Variants in SPN observed in about 807,000 individuals in gnomAD.
SPN encodes sialophorin.
A neutral mutation model predicts 8.4 loss-of-function variants in SPN; 6 were observed. The observed-to-expected ratio is 0.72, with a 90% CI of 0.39 to 1.42. SPN has a LOEUF of 1.42. Ranked by LOEUF, SPN falls within the 40% of genes most tolerant of loss-of-function variation. SPN has a pLI of 0.02. For missense variants in SPN, 517 were observed against 530.6 expected, an observed-to-expected ratio of 0.97 and a Z score of 0.25; for synonymous variants, 201 against 222.6, an observed-to-expected ratio of 0.90 and a Z score of 0.86.
At position 29,666,524 on chromosome 16, in the gene SPN, T is replaced by TCACACACA. The variant is rs61534947; in HGVS notation, c.*1615_*1622dup. 4.8e-3 allele frequency: 660 copies of TCACACACA among 137,554 alleles called. 3 individuals are homozygous for TCACACACA. Among genetic ancestry groups the TCACACACA allele is most frequent in the Admixed American group, 0.01 (133 of 12,846 alleles). 8.5% of individuals were successfully genotyped at this position (137,554 alleles called of 1,614,324 possible). ...TGCGCTCTCTCTCTCTCTCTCTCTC[T>TCACACACA]CACACACACACACACACACACACAC... On this transcript the variant is annotated 3_prime_UTR_variant, in exon 2 of 2. Transcript: ENST00000652691.
rs942935501 is a variant in SPN, at chr16:29,667,073, C to G, written c.*2142C>G. ...TGGGAGAGGAGACGGAGGGAGGGAG[C>G]GGGAAGGGGCTTGCTTAGTGGGTGG... On this transcript the variant is annotated 3_prime_UTR_variant, in exon 2 of 2. Transcript: ENST00000652691. The G allele has an allele frequency of 2.1e-6, 1 of 465,744 alleles. No individual in the cohort carries two copies. The highest frequency in any genetic ancestry group is 2.0e-5 in the African/African-American group (1 of 49,844). 28.9% of individuals were successfully genotyped at this position (465,744 alleles called of 1,614,324 possible).
chr16:29,663,305 T>C lies in SPN; in HGVS notation c.-46T>C, dbSNP rs896237220. 1.2e-5 allele frequency: 2 copies of C among 160,592 alleles called. No individual in the cohort carries two copies. The highest frequency in any genetic ancestry group is 4.8e-5 in the African/African-American group (2 of 41,630). The allele number at this position is 160,592 out of a possible 1,614,324, so 9.9% of individuals were successfully genotyped here. A position where few individuals can be genotyped will look rare whatever the true frequency, so the allele number is the denominator to read the frequency against. On this transcript the variant is annotated 5_prime_UTR_variant, in exon 1 of 2. Transcript: ENST00000652691. This position sits in a 1 kb window ranked among gnomAD's most constrained non-coding sequence, Gnocchi z 4.3. Reference sequence around the variant, plus strand: ...ACCTGGCCCCAGTGCTGCGTCCTTATCAGCCGAGCCGGTAAGAGGGTGAGA... The same window carrying C: ...ACCTGGCCCCAGTGCTGCGTCCTTACCAGCCGAGCCGGTAAGAGGGTGAGA...
At position 29,668,418 on chromosome 16, in the gene SPN, GAA is replaced by G; in HGVS notation, c.*3488_*3489del. 1 of 66 alleles carries G rather than the reference GAA, an allele frequency of 0.015. No individual in the cohort carries two copies. Among genetic ancestry groups the G allele is most frequent in the Non-Finnish European group, 0.036 (1 of 28 alleles). 0.0% of individuals were successfully genotyped at this position (66 alleles called of 1,614,324 possible). A position where few individuals can be genotyped will look rare whatever the true frequency, so the allele number is the denominator to read the frequency against. On this transcript the variant is annotated 3_prime_UTR_variant, in exon 2 of 2. Transcript: ENST00000652691. The stretch of plus-strand genomic sequence containing the variant: ...GCAGATCCTCCATGAATATGCATTT[GAA>G]TGAATGAATGAATGAATGAATGAAT...
In SPN at chr16:29,663,560, TA is replaced by T; in HGVS notation, c.-34-131del. 1 of 893,644 alleles carries T rather than the reference TA, an allele frequency of 1.1e-6. No homozygotes were observed. The highest frequency in any genetic ancestry group is 1.7e-6 in the Non-Finnish European group (1 of 588,862). The allele number at this position is 893,644 out of a possible 1,614,324, so 55.4% of individuals were successfully genotyped here. On this transcript the variant is annotated intron_variant, in intron 1 of 1. Transcript: ENST00000652691. This position sits in a 1 kb window ranked among gnomAD's most constrained non-coding sequence, Gnocchi z 4.3. ...GTTCCTCTGTCATTTCTGATAACAGTAAAAGCCAGCATGGAAAAAACCGTTA... is the reference window on the plus strand; with the variant it reads ...GTTCCTCTGTCATTTCTGATAACAGTAAAGCCAGCATGGAAAAAACCGTTA...
Position 29,669,736 on chromosome 16 carries a change from C to G in SPN, c.*4805C>G, listed in dbSNP as rs185665229. 1.9e-5 allele frequency: 3 copies of G among 161,870 alleles called. No homozygotes were observed. The highest frequency in any genetic ancestry group is 7.3e-5 in the African/African-American group (3 of 40,982). The allele number at this position is 161,870 out of a possible 1,614,324, so 10.0% of individuals were successfully genotyped here. ...TTCAAAATACAAAAAATTAGCTGGG[C>G]GTGGTGGCGGGCACCTGTAATCCCA... On this transcript the variant is annotated 3_prime_UTR_variant, in exon 2 of 2. Transcript: ENST00000652691.
chr16:29,668,488 G>T lies in SPN; in HGVS notation c.*3557G>T, dbSNP rs940317062. Reference sequence around the variant, plus strand: ...CAGAGATTCTTTCTTTTGAGATGAGGTCTCATTCTGTCACCCAGACTAGAG... The same window carrying T: ...CAGAGATTCTTTCTTTTGAGATGAGTTCTCATTCTGTCACCCAGACTAGAG... On this transcript the variant is annotated 3_prime_UTR_variant, in exon 2 of 2. Transcript: ENST00000652691. 1 of 152,156 alleles carries T rather than the reference G, an allele frequency of 6.6e-6. No homozygotes were observed. The highest frequency in any genetic ancestry group is 6.6e-5 in the Admixed American group (1 of 15,256). 9.4% of individuals were successfully genotyped at this position (152,156 alleles called of 1,614,324 possible).
In SPN at chr16:29,664,588, C is replaced by T; in HGVS notation, c.860C>T (p.Ala287Val). ...WRRRQKRRTG[A>V]LVLSRGGKRN... Reference sequence around the variant, plus strand: ...CGGCGGCAGAAGCGGCGGACTGGGGCCCTCGTGCTGAGCAGAGGCGGCAAG... The same window carrying T: ...CGGCGGCAGAAGCGGCGGACTGGGGTCCTCGTGCTGAGCAGAGGCGGCAAG... Residue 287 changes from alanine to valine, a missense_variant, in exon 2 of 2, where the codon GCC becomes GTC. Ala to Val is a moderately conservative substitution (Grantham distance 64). Coordinates refer to ENST00000652691, the MANE Select transcript of SPN (RefSeq NM_003123.6). This position sits in a 1 kb window ranked among gnomAD's most constrained non-coding sequence, Gnocchi z 6.4. 1 of 1,610,856 alleles carries T rather than the reference C, an allele frequency of 6.2e-7. No homozygotes were observed. Among genetic ancestry groups the T allele is most frequent in the Non-Finnish European group, 8.5e-7 (1 of 1,178,784 alleles).
In SPN at chr16:29,670,626, A is replaced by T. The variant is rs1352781077; in HGVS notation, c.*5695A>T. ...TTGAAAATTATGTAATGACTTTGGA[A>T]AATACCAGCAATATAATGTTAAGTG... On this transcript the variant is annotated 3_prime_UTR_variant, in exon 2 of 2. Transcript: ENST00000652691. The T allele has an allele frequency of 2.8e-6, 1 of 356,104 alleles. No homozygotes were observed. The highest frequency in any genetic ancestry group is 5.6e-6 in the Non-Finnish European group (1 of 177,610). The allele number at this position is 356,104 out of a possible 1,614,324, so 22.1% of individuals were successfully genotyped here. A position where few individuals can be genotyped will look rare whatever the true frequency, so the allele number is the denominator to read the frequency against.
In SPN at chr16:29,666,769, GTGGGGCC is replaced by G. The variant is rs1468152932; in HGVS notation, c.*1843_*1849del. The stretch of plus-strand genomic sequence containing the variant: ...GGGCCTGGAGCCAGGGACTTCCCCT[GTGGGGCC>G]TGGGTGGAGAGGGGAGAACTCAATG... On this transcript the variant is annotated 3_prime_UTR_variant, in exon 2 of 2. Coordinates refer to ENST00000652691, the MANE Select transcript of SPN (RefSeq NM_003123.6). 9.4e-5 allele frequency: 38 copies of G among 404,756 alleles called. No homozygotes were observed. The Admixed American group carries it at 1.0e-3, about 11-fold the overall frequency. The allele number at this position is 404,756 out of a possible 1,614,324, so 25.1% of individuals were successfully genotyped here.
Position 29,667,195 on chromosome 16 carries a change from C to T in SPN, c.*2264C>T. On this transcript the variant is annotated 3_prime_UTR_variant, in exon 2 of 2. Transcript: ENST00000652691. ...CTTTTCTGATTGCTATTTGGACTCA[C>T]TGCAGCTGCAGAATGACAGAGGCCA... 2 of 367,568 alleles carry T rather than the reference C, an allele frequency of 5.4e-6. No individual in the cohort carries two copies. Among genetic ancestry groups the T allele is most frequent in the Non-Finnish European group, 1.1e-5 (2 of 176,446 alleles). The allele number at this position is 367,568 out of a possible 1,614,324, so 22.8% of individuals were successfully genotyped here.
At position 29,667,164 on chromosome 16, in the gene SPN, G is replaced by C. The variant is rs1966827567; in HGVS notation, c.*2233G>C. 2 of 390,274 alleles carry C rather than the reference G, an allele frequency of 5.1e-6. No homozygotes were observed. Among genetic ancestry groups the C allele is most frequent in the Non-Finnish European group, 1.1e-5 (2 of 187,286 alleles). The allele number at this position is 390,274 out of a possible 1,614,324, so 24.2% of individuals were successfully genotyped here. A position where few individuals can be genotyped will look rare whatever the true frequency, so the allele number is the denominator to read the frequency against. ...GCTGGGCACCCACTGGGCTGCATCT[G>C]GTGGCCTTTTCTGATTGCTATTTGG... On this transcript the variant is annotated 3_prime_UTR_variant, in exon 2 of 2. Coordinates refer to ENST00000652691, the MANE Select transcript of SPN (RefSeq NM_003123.6).
rs773289600 is a variant in SPN at position 29,664,390 on chromosome 16, C to T, written c.662C>T (p.Pro221Leu). 1 of 1,614,132 alleles carries T rather than the reference C, an allele frequency of 6.2e-7. No homozygotes were observed. The highest frequency in any genetic ancestry group is 2.2e-5 in the East Asian group (1 of 44,874). Residue 221 changes from proline (P) to leucine (L), a missense_variant, in exon 2 of 2, where the codon CCC becomes CTC. By Grantham distance (98) the Pro-to-Leu change is moderately conservative. Transcript: ENST00000652691. The surrounding 1 kb of genome is among the most constrained non-coding windows in gnomAD (Gnocchi z 6.4). ...SLEPSSGASG[P>L]QVSSVKLSTM... is the part of the protein sequence containing the mutation. ...GAGCCCTCCAGCGGGGCCAGTGGAC[C>T]CCAGGTCTCTAGCGTAAAACTATCT...
chr16:29,664,918 G>T lies in SPN; in HGVS notation c.1190G>T (p.Gly397Val). The T allele has an allele frequency of 1.4e-6, 2 of 1,416,502 alleles. No individual in the cohort carries two copies. Among genetic ancestry groups the T allele is most frequent in the Non-Finnish European group, 1.8e-6 (2 of 1,082,530 alleles). 87.7% of individuals were successfully genotyped at this position (1,416,502 alleles called of 1,614,324 possible). ...PAPDEPEGGD[G>V]AAP ...CCTGATGAGCCCGAAGGGGGAGACG[G>T]GGCTGCCCCTTAAGTGTCGGTGAAT... Residue 397 changes from glycine to valine, a missense_variant, in exon 2 of 2, where the codon GGG becomes GTG. Physicochemically the swap from Gly to Val is moderately radical, Grantham distance 109. Coordinates refer to ENST00000652691, the MANE Select transcript of SPN (RefSeq NM_003123.6). The surrounding 1 kb of genome is among the most constrained non-coding windows in gnomAD (Gnocchi z 6.4).
rs1267975021 is a variant in SPN at position 29,669,150 on chromosome 16, A to T, written c.*4219A>T. The T allele has an allele frequency of 6.0e-6, 1 of 167,074 alleles. No individual in the cohort carries two copies. Among genetic ancestry groups the T allele is most frequent in the East Asian group, 1.9e-4 (1 of 5,170 alleles). The allele number at this position is 167,074 out of a possible 1,614,324, so 10.3% of individuals were successfully genotyped here. On this transcript the variant is annotated 3_prime_UTR_variant, in exon 2 of 2. Transcript: ENST00000652691. ...GTAAACATTTATATATATATTTTTTAAAGTGGAGCAGTTCAATATAGAGTC... is the reference window on the plus strand; with the variant it reads ...GTAAACATTTATATATATATTTTTTTAAGTGGAGCAGTTCAATATAGAGTC...
Position 29,670,530 on chromosome 16 carries a change from G to C in SPN, c.*5599G>C, listed in dbSNP as rs1399747622. ...AAAGAAAATATAAAATATGGTATAA[G>C]ATTAAATATATTAGTTATGAAAATA... On this transcript the variant is annotated 3_prime_UTR_variant, in exon 2 of 2. Transcript: ENST00000652691. 1 of 228,728 alleles carries C rather than the reference G, an allele frequency of 4.4e-6. No individual in the cohort carries two copies. The highest frequency in any genetic ancestry group is 5.4e-5 in the Admixed American group (1 of 18,516). 14.2% of individuals were successfully genotyped at this position (228,728 alleles called of 1,614,324 possible). A position where few individuals can be genotyped will look rare whatever the true frequency, so the allele number is the denominator to read the frequency against.
Position 29,667,044 on chromosome 16 carries a change from G to T in SPN, c.*2113G>T. 4.2e-6 allele frequency: 2 copies of T among 470,848 alleles called. No homozygotes were observed. Among genetic ancestry groups the T allele is most frequent in the Admixed American group, 4.7e-5 (2 of 42,568 alleles). 29.2% of individuals were successfully genotyped at this position (470,848 alleles called of 1,614,324 possible). ...AGGGTCAGGTGGGGGATGGGCTCGT[G>T]CAGTGGGAGAGGAGACGGAGGGAGG... On this transcript the variant is annotated 3_prime_UTR_variant, in exon 2 of 2. Coordinates refer to ENST00000652691, the MANE Select transcript of SPN (RefSeq NM_003123.6).
In SPN at chr16:29,664,739, C is replaced by T. The variant is rs776869439; in HGVS notation, c.1011C>T (p.Ser337=). 1.3e-6 allele frequency: 2 copies of T among 1,483,554 alleles called. No homozygotes were observed. Among genetic ancestry groups the T allele is most frequent in the Non-Finnish European group, 1.8e-6 (2 of 1,118,516 alleles). The allele number at this position is 1,483,554 out of a possible 1,614,324, so 91.9% of individuals were successfully genotyped here. A position where few individuals can be genotyped will look rare whatever the true frequency, so the allele number is the denominator to read the frequency against. ...GGTTCCCCGATGGGGAGGGGTCTAG[C>T]CGTCGGCCCACGCTCACCACTTTCT... ...GSGFPDGEGS[S]RRPTLTTFFG... The change falls in exon 2 of 2, where the codon AGC becomes AGT. Residue 337 remains serine (S), a synonymous_variant. Transcript: ENST00000652691. This position sits in a 1 kb window ranked among gnomAD's most constrained non-coding sequence, Gnocchi z 6.4.
rs1300121718 is a variant in SPN, at chr16:29,670,059, T to C, written c.*5128T>C. The C allele has an allele frequency of 6.0e-6, 1 of 165,992 alleles. No homozygotes were observed. The highest frequency in any genetic ancestry group is 1.5e-5 in the Non-Finnish European group (1 of 68,102). The allele number at this position is 165,992 out of a possible 1,614,324, so 10.3% of individuals were successfully genotyped here. A position where few individuals can be genotyped will look rare whatever the true frequency, so the allele number is the denominator to read the frequency against. On this transcript the variant is annotated 3_prime_UTR_variant, in exon 2 of 2. Transcript: ENST00000652691. The stretch of plus-strand genomic sequence containing the variant: ...TGAAATATGAAAAATTAGCCAGGTG[T>C]AGTGGTGTGCGCCTGTGGTACCAGC...
chr16:29,665,057 C>CTT lies in SPN; in HGVS notation c.*136_*137dup. Reference sequence around the variant, plus strand: ...GCACCCTGATCCTCACCCGAATCTCCTTTTTTTTTTTCTTTTGAGACAGAG... The same window carrying CTT: ...GCACCCTGATCCTCACCCGAATCTCCTTTTTTTTTTTTTCTTTTGAGACAGAG... On this transcript the variant is annotated 3_prime_UTR_variant, in exon 2 of 2. Transcript: ENST00000652691. The CTT allele has an allele frequency of 2.0e-4, 181 of 894,134 alleles. No homozygotes were observed. Among genetic ancestry groups the CTT allele is most frequent in the Non-Finnish European group, 2.3e-4 (162 of 690,780 alleles). The allele number at this position is 894,134 out of a possible 1,614,324, so 55.4% of individuals were successfully genotyped here. A position where few individuals can be genotyped will look rare whatever the true frequency, so the allele number is the denominator to read the frequency against.
Sources: gnomAD v4.1 joint callset for allele counts on GRCh38, gnomAD v4.1.1 for gene constraint, Gnocchi (gnomAD v3.1) non-coding constraint, MANE v1.5 for transcripts, NCBI Gene and HGNC (gene_info 2026-07-23, HGNC 2026-07-21) for gene names.